CACNB4: variants seen among roughly 807,000 people sequenced by gnomAD.
CACNB4 encodes voltage-dependent L-type calcium channel subunit beta-4.
CACNB4 carries 32 observed loss-of-function variants against 71.2 expected under a neutral mutation model. That is an observed-to-expected ratio of 0.45 (90% confidence interval 0.34 to 0.60). The LOEUF is 0.60. Among genes scored for constraint, CACNB4 ranks in the 20% least tolerant of loss-of-function variants. CACNB4 has a pLI of 0.01. For synonymous variants in CACNB4, 231 were observed against 236.9 expected (o/e 0.97, Z 0.23); for missense variants, 464 against 647.9 (o/e 0.72, Z 3.08).
intron 2 of CACNB4, among the ~76,000 whole-genome samples, chr2:151,962,069 T>C (rs556421392): frequency 1.3e-5 from 2 of 152,344 alleles, no homozygotes; most frequent in African/African-American, 2.4e-5. Flanking sequence ...CTCTTTGGCT[T>C]CTGGCTGAGT....
At chr2:151,840,427 A>G (rs1030716478) in intron 13 of CACNB4, among the ~76,000 whole-genome samples, 16 of 152,236 alleles carry the variant, frequency 1.1e-4, no homozygotes, top group African/African-American at 3.6e-4. Flanking sequence ...TGTTGTATTC[A>G]ATATAAAAGT....
chr2:151,875,223 T>C (rs1249235833), intron 5 of CACNB4, among the ~76,000 whole-genome samples: 1 of 148,276 alleles, frequency 6.7e-6, no homozygotes, highest in Non-Finnish European at 1.5e-5. Context: ...TTCAAGCATC[T>C]GTTTAACAAA....
chr2:151,888,691 G>A (rs1223585267), intron 2 of CACNB4, among the ~76,000 whole-genome samples: 1 of 152,196 alleles, frequency 6.6e-6, no homozygotes, highest in Admixed American at 6.5e-5. Context: ...TCCATTCACA[G>A]AACGCTGAGC....
At chr2:152,067,796 G>A (rs1686429789) in intron 2 of CACNB4, among the ~76,000 whole-genome samples, 1 of 152,184 alleles carries the variant, frequency 6.6e-6, no homozygotes, top group Admixed American at 6.5e-5. Flanking sequence ...GGTGAACTGG[G>A]ATGAGGTACA....
At position 151,870,551 on chromosome 2, in the gene CACNB4, G is replaced by T; in HGVS notation, c.679C>A (p.Pro227Thr). The change falls in exon 8 of 14, where the codon CCG becomes ACG. Residue 227 changes from proline to threonine, a missense_variant. Pro to Thr is a conservative substitution (Grantham distance 38). Coordinates refer to ENST00000539935, the MANE Select transcript of CACNB4 (RefSeq NM_000726.5). ...PSMRPVVLVG[P>T]SLKGYEVTDM... ...TGTACCTCGTAACCTTTCAGTGACG[G>T]CCCCACTAACACCACCGGACGCATT... 1 of 1,613,498 alleles carries T rather than the reference G, an allele frequency of 6.2e-7. No individual in the cohort carries two copies. Among genetic ancestry groups the T allele is most frequent in the Non-Finnish European group, 8.5e-7 (1 of 1,179,548 alleles).
At chr2:151,866,011 C>T (rs1423928984) in intron 9 of CACNB4, 1 of 152,124 alleles carries the variant, frequency 6.6e-6, no homozygotes, top group Non-Finnish European at 1.5e-5. Flanking sequence ...TCTCGAACTC[C>T]CGACCTCAGG....
chr2:151,937,747 C>T (rs759718524), intron 2 of CACNB4, among the ~76,000 whole-genome samples: 5 of 152,158 alleles, frequency 3.3e-5, no homozygotes, highest in Non-Finnish European at 7.3e-5. Flanking sequence ...TATTTGATGG[C>T]TGCTAAATGG....
rs530096862 is a variant in CACNB4 at position 151,950,670 on chromosome 2, A to C, written c.148-67300T>G. 2.0e-5 allele frequency among the ~76,000 whole-genome samples: 3 copies of C among 152,346 alleles called. No individual in the cohort carries two copies. The South Asian group carries it at 6.2e-4, about 32-fold the overall frequency. On this transcript the variant is annotated intron_variant, in intron 2 of 13. Transcript: ENST00000539935. ...AGTACTAATACATACTCTGACATGGATGAACCTTGAAACATTACACTACAT... is the reference window on the plus strand; with the variant it reads ...AGTACTAATACATACTCTGACATGGCTGAACCTTGAAACATTACACTACAT...
intron 2 of CACNB4, chr2:151,973,546 G>C (rs1457636051): frequency 6.0e-6 from 5 of 838,226 alleles, no homozygotes; most frequent in Non-Finnish European, 9.7e-6. Context: ...GCCCCAGAAT[G>C]ATGTTAGCTT....
intron 2 of CACNB4, among the ~76,000 whole-genome samples, chr2:151,900,774 A>G (rs768426188): frequency 2.6e-5 from 4 of 152,140 alleles, no homozygotes; most frequent in East Asian, 1.9e-4. Context: ...TAACAGTGGG[A>G]AAAGAGAGCA....
chr2:151,850,741 T>G (rs770408536), intron 12 of CACNB4: 1 of 152,202 alleles, frequency 6.6e-6, no homozygotes, highest in Non-Finnish European at 1.5e-5. Flanking sequence ...AAATACACAT[T>G]GGCATATTCA....
intron 4 of CACNB4, among the ~76,000 whole-genome samples, chr2:151,877,708 C>T (rs367947305): frequency 6.6e-6 from 1 of 152,072 alleles, no homozygotes; most frequent in East Asian, 1.9e-4. Context: ...AAAGTCTGAG[C>T]GTATTATATA....
At chr2:152,043,998 G>A (rs1685009551) in intron 2 of CACNB4, among the ~76,000 whole-genome samples, 1 of 152,088 alleles carries the variant, frequency 6.6e-6, no homozygotes. Context: ...TTGGGGCAAG[G>A]AGTTCAAGGC....
Position 151,832,960 on chromosome 2 carries a change from G to A in CACNB4, c.*6159C>T, listed in dbSNP as rs980679883. 1.2e-4 allele frequency: 18 copies of A among 152,098 alleles called. No individual in the cohort carries two copies. The highest frequency in any genetic ancestry group is 3.9e-4 in the African/African-American group (16 of 41,508). 9.4% of individuals were successfully genotyped at this position (152,098 alleles called of 1,614,324 possible). ...TTTTCTTTAAAGCCACTAAAGCAGAGGGAGAACAAAACATGCAGCACTGTA... is the reference window on the plus strand; with the variant it reads ...TTTTCTTTAAAGCCACTAAAGCAGAAGGAGAACAAAACATGCAGCACTGTA... On this transcript the variant is annotated 3_prime_UTR_variant, in exon 14 of 14. Coordinates refer to ENST00000539935, the MANE Select transcript of CACNB4 (RefSeq NM_000726.5).
At chr2:151,896,016 T>C (rs978045650) in intron 2 of CACNB4, among the ~76,000 whole-genome samples, 1 of 152,144 alleles carries the variant, frequency 6.6e-6, no homozygotes, top group Admixed American at 6.5e-5. Flanking sequence ...AGCTAATTTT[T>C]TGTATTTTTT....
intron 2 of CACNB4, among the ~76,000 whole-genome samples, chr2:152,028,292 T>C (rs576996570): frequency 6.6e-6 from 1 of 152,334 alleles, no homozygotes; most frequent in African/African-American, 2.4e-5. Flanking sequence ...TGGGAAAAGC[T>C]GCACTACAAA....
chr2:151,918,230 C>A (rs1381459653), intron 2 of CACNB4, among the ~76,000 whole-genome samples: 1 of 152,182 alleles, frequency 6.6e-6, no homozygotes, highest in Non-Finnish European at 1.5e-5. Context: ...AGTCATTCAG[C>A]ATTGATTGAA....
intron 2 of CACNB4, among the ~76,000 whole-genome samples, chr2:151,925,210 C>A (rs1272292408): frequency 1.3e-5 from 2 of 152,170 alleles, no homozygotes; most frequent in Non-Finnish European, 2.9e-5. Flanking sequence ...CTACTTGAAG[C>A]ATTTCTATTA....
chr2:151,997,515 CAG>C (rs1281664506), intron 2 of CACNB4, among the ~76,000 whole-genome samples: 2 of 147,316 alleles, frequency 1.4e-5, no homozygotes, highest in African/African-American at 4.9e-5. Flanking sequence ...GCCTGGGAGA[CAG>C]AGTGAGACTC....
Sources: gnomAD v4.1 joint callset for allele counts (sites outside exome capture counted in the v4.1 genomes callset) on GRCh38, gnomAD v4.1.1 for gene constraint, MANE v1.5 for transcripts, NCBI Gene and HGNC (gene_info 2026-07-23, HGNC 2026-07-21) for gene names.